APOLD1: variants seen among roughly 807,000 people sequenced by gnomAD.
APOLD1 encodes the protein apolipoprotein L domain-containing protein 1.
Under a neutral mutation model 15.3 loss-of-function variants are expected in APOLD1, and 22 were observed. That is an observed-to-expected ratio of 1.44 (90% CI 1.03 to 2.05). The LOEUF is 2.05. Ranked by LOEUF, APOLD1 falls within the 30% of genes most tolerant of loss-of-function variation. APOLD1 has a pLI of 0.00. For missense variants in APOLD1, 394 were observed against 353.5 expected (o/e 1.11, Z -0.92); for synonymous variants, 190 against 167.4 (o/e 1.13, Z -1.04).
chr12:12,740,269 C>T (rs1365561483), intron 1 of APOLD1, among the ~76,000 whole-genome samples: 2 of 152,160 alleles, frequency 1.3e-5, no homozygotes, highest in Non-Finnish European at 2.9e-5. Flanking sequence ...GTGTGAGCCA[C>T]CACACCCAGC....
intron 1 of APOLD1, among the ~76,000 whole-genome samples, chr12:12,750,072 A>G (rs914154066): frequency 2.0e-5 from 3 of 152,186 alleles, no homozygotes; most frequent in Admixed American, 6.5e-5. Flanking sequence ...ACAAAGCATA[A>G]TAAGAAATTG....
intron 1 of APOLD1, among the ~76,000 whole-genome samples, chr12:12,733,295 A>C (rs1946656688): frequency 6.6e-6 from 1 of 152,160 alleles, no homozygotes. Flanking sequence ...ACTGCACTCC[A>C]GCCTGGGTGG....
At position 12,787,276 on chromosome 12, in the gene APOLD1, C is replaced by T; in HGVS notation, c.371C>T (p.Ala124Val). The change falls in exon 2 of 2, where the codon GCG (alanine) becomes GTG (valine). Residue 124 changes from alanine to valine, a missense_variant. Coordinates refer to ENST00000356591, the MANE Select transcript of APOLD1 (RefSeq NM_030817.3). The surrounding 1 kb of genome is among the most constrained non-coding windows in gnomAD (Gnocchi z 4.9). ...GAGCTGCGGAGGGTGCAGGAGATCG[C>T]GGCCACCTGCCAGGACCAGATGCGA... ...SRELRRVQEI[A>V]ATCQDQMREI... The T allele has an allele frequency of 6.3e-7, 1 of 1,599,288 alleles. No individual in the cohort carries two copies. The highest frequency in any genetic ancestry group is 8.5e-7 in the Non-Finnish European group (1 of 1,173,888).
At chr12:12,754,595 TA>T (rs1946841270) in intron 1 of APOLD1, among the ~76,000 whole-genome samples, 1 of 152,014 alleles carries the variant, frequency 6.6e-6, no homozygotes, top group African/African-American at 2.4e-5. Context: ...ACTACCTGGC[TA>T]ATTTTTGTAT....
At chr12:12,786,210 G>A (rs574473857) in intron 1 of APOLD1, among the ~76,000 whole-genome samples, 155 of 152,286 alleles carry the variant, frequency 1.0e-3, no homozygotes, top group Non-Finnish European at 1.5e-3. Flanking sequence ...TTAATTTAAT[G>A]TGACTTAGTT....
intron 1 of APOLD1, among the ~76,000 whole-genome samples, chr12:12,734,990 A>T (rs1215901079): frequency 6.6e-6 from 1 of 152,210 alleles, no homozygotes; most frequent in Non-Finnish European, 1.5e-5. Flanking sequence ...ATGCTGTAGC[A>T]GTTTGGATCC....
Position 12,786,969 on chromosome 12 carries a change from G to A in APOLD1, c.64G>A (p.Gly22Arg), listed in dbSNP as rs559563377. 17 of 1,458,448 alleles carry A rather than the reference G, an allele frequency of 1.2e-5. No individual in the cohort carries two copies. Among genetic ancestry groups the A allele is most frequent in the South Asian group, 5.4e-5 (4 of 74,638 alleles). The allele number at this position is 1,458,448 out of a possible 1,614,324, so 90.3% of individuals were successfully genotyped here. Residue 22 changes from glycine (G) to arginine (R), a missense_variant, in exon 2 of 2, where the codon GGA becomes AGA. Transcript: ENST00000356591. ...GCCCGACGCGCTGCGGCGCTTCCAGGGACTGCTGCTGGACCGCCGAGGCCG... is the reference window on the plus strand; with the variant it reads ...GCCCGACGCGCTGCGGCGCTTCCAGAGACTGCTGCTGGACCGCCGAGGCCG... ...HGPDALRRFQ[G>R]LLLDRRGRLH...
chr12:12,773,753 C>T (rs549144623), intron 1 of APOLD1, among the ~76,000 whole-genome samples: 14 of 152,006 alleles, frequency 9.2e-5, no homozygotes, highest in East Asian at 1.9e-4. Context: ...AAAAACAGAC[C>T]GATAGAATAG....
At chr12:12,774,539 C>CT (rs780149664) in intron 1 of APOLD1, among the ~76,000 whole-genome samples, 6 of 74,244 alleles carry the variant, frequency 8.1e-5, no homozygotes, top group Non-Finnish European at 1.4e-4. Flanking sequence ...CAGCGAGACT[C>CT]TAACTCCAAA....
intron 1 of APOLD1, among the ~76,000 whole-genome samples, chr12:12,762,107 A>G (rs1946905912): frequency 6.6e-6 from 1 of 152,048 alleles, no homozygotes; most frequent in East Asian, 1.9e-4. Flanking sequence ...GTTAGGTGCC[A>G]AGCAAACAAA....
intron 1 of APOLD1, among the ~76,000 whole-genome samples, chr12:12,752,725 T>G (rs1181351219): frequency 6.6e-6 from 1 of 152,166 alleles, no homozygotes; most frequent in African/African-American, 2.4e-5. Flanking sequence ...CAGTTAAAAC[T>G]AGAACAGTAG....
At chr12:12,731,256 A>G (rs993275141) in intron 1 of APOLD1, among the ~76,000 whole-genome samples, 39 of 152,244 alleles carry the variant, frequency 2.6e-4, no homozygotes, top group African/African-American at 9.4e-4. Flanking sequence ...AATATGTCTT[A>G]TTATTTTTAA....
exon 1 of APOLD1, chr12:12,725,942 G>A: frequency 7.4e-7 from 1 of 1,357,324 alleles, no homozygotes; most frequent in Non-Finnish European, 9.8e-7. Context: ...GGGGGTGCGC[G>A]GGGCGGTCAG....
intron 1 of APOLD1, among the ~76,000 whole-genome samples, chr12:12,727,237 A>C (rs1046213661): frequency 9.2e-5 from 14 of 151,416 alleles, no homozygotes; most frequent in African/African-American, 3.2e-4. Context: ...CCACGTTTCC[A>C]AGAATTAGTA....
In APOLD1 at chr12:12,788,894, G is replaced by C. The variant is rs1947156887; in HGVS notation, c.*1242G>C. On this transcript the variant is annotated 3_prime_UTR_variant, in exon 2 of 2. Transcript: ENST00000356591. ...CTGTGTCCCAGAAGCCAAAATGAGAGAGAGAGAGAGAGAGCACGCGTACGT... is the reference window on the plus strand; with the variant it reads ...CTGTGTCCCAGAAGCCAAAATGAGACAGAGAGAGAGAGAGCACGCGTACGT... The C allele has an allele frequency of 6.6e-6, 1 of 151,184 alleles. No individual in the cohort carries two copies. The highest frequency in any genetic ancestry group is 2.1e-4 in the South Asian group (1 of 4,796). The allele number at this position is 151,184 out of a possible 1,614,324, so 9.4% of individuals were successfully genotyped here. A position where few individuals can be genotyped will look rare whatever the true frequency, so the allele number is the denominator to read the frequency against.
chr12:12,744,569 A>G (rs1254433491), intron 1 of APOLD1, among the ~76,000 whole-genome samples: 1 of 152,194 alleles, frequency 6.6e-6, no homozygotes, highest in Non-Finnish European at 1.5e-5. Flanking sequence ...AGATCGCACC[A>G]CTGCACTCCA....
At chr12:12,761,891 A>G (rs1242102000) in intron 1 of APOLD1, among the ~76,000 whole-genome samples, 1 of 147,308 alleles carries the variant, frequency 6.8e-6, no homozygotes, top group African/African-American at 2.5e-5. Context: ...GCCTAAGTGC[A>G]GTGGTGTGAT....
intron 1 of APOLD1, among the ~76,000 whole-genome samples, chr12:12,760,530 T>C (rs938828001): frequency 1.3e-5 from 2 of 150,742 alleles, no homozygotes; most frequent in African/African-American, 2.4e-5. Context: ...TCCCAGCTAC[T>C]TGGGAGGCTG....
At chr12:12,743,277 T>C (rs1320484166) in intron 1 of APOLD1, among the ~76,000 whole-genome samples, 1 of 152,136 alleles carries the variant, frequency 6.6e-6, no homozygotes, top group Non-Finnish European at 1.5e-5. Context: ...ACACTTGTAT[T>C]CCTAGCTACT....
Sources: allele counts gnomAD v4.1 joint callset (sites outside exome capture counted in the v4.1 genomes callset), GRCh38; gene constraint gnomAD v4.1.1; non-coding constraint Gnocchi (gnomAD v3.1); transcripts MANE v1.5; gene names NCBI Gene and HGNC (gene_info 2026-07-23, HGNC 2026-07-21).